The following MARCHF1 variants were observed in gnomAD, a reference collection of about 807,000 sequenced individuals.
MARCHF1 encodes E3 ubiquitin-protein ligase MARCHF1.
MARCHF1 carries 40 observed loss-of-function variants against 54.2 expected under a neutral mutation model. That is an observed-to-expected ratio of 0.74 (90% confidence interval 0.57 to 0.96). MARCHF1 has a LOEUF of 0.96. MARCHF1 is among the 40% of genes least tolerant of loss of function. MARCHF1 has a pLI of 0.00. For missense variants in MARCHF1, 586 were observed against 656.5 expected (o/e 0.89, Z 1.17); for synonymous variants, 236 against 236.3 (o/e 1.00, Z 0.01).
intron 2 of MARCHF1, among the ~76,000 whole-genome samples, chr4:164,080,692 G>GTA (rs900174948): frequency 2.6e-5 from 4 of 151,102 alleles, no homozygotes; most frequent in Non-Finnish European, 5.9e-5. Context: ...ATATGTGTGT[G>GTA]TATATATATA....
chr4:164,351,549 G>T (rs1413914971), intron 1 of MARCHF1, among the ~76,000 whole-genome samples: 3 of 152,108 alleles, frequency 2.0e-5, no homozygotes. Flanking sequence ...GCAGCTGACA[G>T]TCCTGTCTGT....
At chr4:163,753,574 C>G (rs922422035) in intron 4 of MARCHF1, among the ~76,000 whole-genome samples, 1 of 151,930 alleles carries the variant, frequency 6.6e-6, no homozygotes, top group African/African-American at 2.4e-5. Flanking sequence ...AAGACCAAAC[C>G]CTTAAACTCT....
At chr4:164,295,440 ACACACAAACAC>A (rs1734385787) in intron 1 of MARCHF1, among the ~76,000 whole-genome samples, 2 of 80,028 alleles carry the variant, frequency 2.5e-5, no homozygotes, top group South Asian at 7.1e-4. Flanking sequence ...ACACACACAT[ACACACAAACAC>A]ACACACACAC....
chr4:163,813,984 A>T (rs1287067675), intron 4 of MARCHF1, among the ~76,000 whole-genome samples: 2 of 152,140 alleles, frequency 1.3e-5, no homozygotes, highest in Non-Finnish European at 2.9e-5. Flanking sequence ...TGTGGCTTGG[A>T]CAGAATCCAG....
At chr4:163,542,679 G>C (rs544521659) in intron 9 of MARCHF1, among the ~76,000 whole-genome samples, 17 of 152,164 alleles carry the variant, frequency 1.1e-4, no homozygotes, top group South Asian at 2.1e-4. Context: ...TCACCTGTAG[G>C]CTTCTTCAGT....
chr4:163,636,189 C>G (rs921669188), intron 5 of MARCHF1, among the ~76,000 whole-genome samples: 16 of 152,148 alleles, frequency 1.1e-4, no homozygotes, highest in African/African-American at 3.6e-4. Context: ...CGGCACAAGA[C>G]AGGGATGCCC....
At chr4:164,044,227 C>T (rs1754192028) in intron 2 of MARCHF1, among the ~76,000 whole-genome samples, 1 of 152,096 alleles carries the variant, frequency 6.6e-6, no homozygotes, top group Non-Finnish European at 1.5e-5. Context: ...TTAGTCTGTT[C>T]TCACACTGCT....
At chr4:164,096,467 T>C (rs552174303) in intron 2 of MARCHF1, among the ~76,000 whole-genome samples, 1 of 152,202 alleles carries the variant, frequency 6.6e-6, no homozygotes, top group African/African-American at 2.4e-5. Flanking sequence ...TATTTGGTAC[T>C]ATGTTCATTA....
At chr4:164,354,399 A>C (rs1399339904) in intron 1 of MARCHF1, among the ~76,000 whole-genome samples, 1 of 136,580 alleles carries the variant, frequency 7.3e-6, no homozygotes, top group Non-Finnish European at 1.6e-5. Flanking sequence ...GCAGCACATC[A>C]AAAAGCTTAT....
chr4:163,778,643 T>G (rs1747373252), intron 4 of MARCHF1, among the ~76,000 whole-genome samples: 1 of 152,192 alleles, frequency 6.6e-6, no homozygotes, highest in Non-Finnish European at 1.5e-5. Context: ...ATGTGGTATA[T>G]ATAGACAATG....
At position 163,894,574 on chromosome 4, in the gene MARCHF1, C is replaced by CATATATAT. The variant is rs1553961546; in HGVS notation, c.-38-40406_-38-40405insATATATAT. 1.7e-3 allele frequency among the ~76,000 whole-genome samples: 110 copies of CATATATAT among 64,400 alleles called. 9 individuals are homozygous for CATATATAT. The highest frequency in any genetic ancestry group is 8.4e-3 in the East Asian group (10 of 1,192). The allele number at this position is 64,400 out of a possible 152,430, so 42.2% of individuals were successfully genotyped here. A position where few individuals can be genotyped will look rare whatever the true frequency, so the allele number is the denominator to read the frequency against. ...TCCTGCACATGCATATATATATATGCATGTGATGCATATATATATATGCAT... is the reference window on the plus strand; with the variant it reads ...TCCTGCACATGCATATATATATATGCATATATATATGTGATGCATATATATATATGCAT... On this transcript the variant is annotated intron_variant, in intron 3 of 9. Transcript: ENST00000514618.
intron 1 of MARCHF1, among the ~76,000 whole-genome samples, chr4:164,279,667 C>G (rs1733976655): frequency 6.6e-6 from 1 of 151,394 alleles, no homozygotes. Flanking sequence ...AATTATTTGT[C>G]AAATGTAAAA....
intron 2 of MARCHF1, among the ~76,000 whole-genome samples, chr4:164,091,422 ATATATATG>A (rs1234954942): frequency 1.4e-5 from 2 of 146,246 alleles, no homozygotes; most frequent in Admixed American, 6.9e-5. Flanking sequence ...ATATATATAT[ATATATATG>A]TATAAAATGA....
At chr4:164,119,482 ATAAAG>A (rs59315559) in intron 1 of MARCHF1, among the ~76,000 whole-genome samples, 24,947 of 151,184 alleles carry the variant, frequency 0.17, 2,542 homozygotes, top group East Asian at 0.49. Context: ...AAGCTAGGAG[ATAAAG>A]TAAACCAAAA....
chr4:164,052,135 G>GTTTTTTTTTTTT (rs5863653), intron 2 of MARCHF1, among the ~76,000 whole-genome samples: 7 of 123,744 alleles, frequency 5.7e-5, no homozygotes, highest in Non-Finnish European at 5.4e-5. Flanking sequence ...TCTTTTGGAA[G>GTTTTTTTTTTTT]TTTTTTTTTT....
intron 3 of MARCHF1, among the ~76,000 whole-genome samples, chr4:163,887,099 C>A (rs190307912): frequency 1.1e-3 from 174 of 152,060 alleles, no homozygotes; most frequent in African/African-American, 3.9e-3. Context: ...ATATTCTCTA[C>A]CTTTAGAAAC....
intron 2 of MARCHF1, among the ~76,000 whole-genome samples, chr4:164,053,232 A>G (rs546742091): frequency 6.6e-6 from 1 of 152,258 alleles, no homozygotes; most frequent in East Asian, 1.9e-4. Flanking sequence ...GGTATCCTGA[A>G]GTTTTTTTTT....
chr4:164,018,841 C>A (rs887893200), intron 2 of MARCHF1, among the ~76,000 whole-genome samples: 2 of 152,112 alleles, frequency 1.3e-5, no homozygotes, highest in Non-Finnish European at 2.9e-5. Flanking sequence ...ATATGAAGGG[C>A]AAAGTGCTAT....
intron 5 of MARCHF1, among the ~76,000 whole-genome samples, chr4:163,614,060 C>T (rs1390486214): frequency 6.6e-6 from 1 of 152,062 alleles, no homozygotes; most frequent in Non-Finnish European, 1.5e-5. Context: ...ACCTTTGAAA[C>T]AGTATTTTCT....
Sources: gnomAD v4.1 joint callset for allele counts (sites outside exome capture counted in the v4.1 genomes callset) on GRCh38, gnomAD v4.1.1 for gene constraint, MANE v1.5 for transcripts, NCBI Gene and HGNC (gene_info 2026-07-23, HGNC 2026-07-21) for gene names.